The following SUMF1 variants were observed in gnomAD, a reference collection of about 807,000 sequenced individuals.
SUMF1 encodes the protein sulfatase modifying factor 1.
A neutral mutation model predicts 47.6 loss-of-function variants in SUMF1; 48 were observed. The ratio of observed to expected loss-of-function variants is 1.01; its 90% CI spans 0.80 to 1.28. The LOEUF is 1.28. SUMF1 is among the 50% of genes most tolerant of loss of function. The pLI is 0.00. For synonymous variants in SUMF1, 230 were observed against 192.1 expected (o/e 1.20, Z -1.63); for missense variants, 571 against 485.4 (o/e 1.18, Z -1.66).
At chr3:4,363,022 A>C (rs566811966) in intron 8 of SUMF1, among the ~76,000 whole-genome samples, 2 of 152,346 alleles carry the variant, frequency 1.3e-5, no homozygotes, top group East Asian at 3.9e-4. Flanking sequence ...AAAGACTGGA[A>C]GATTCCGAAT....
chr3:4,085,360 A>AAT (rs2125048467), intron 8 of SUMF1, among the ~76,000 whole-genome samples: 1 of 152,130 alleles, frequency 6.6e-6, no homozygotes, highest in Admixed American at 6.5e-5. Context: ...CTGAGGGGAG[A>AAT]ATATAAATTT....
rs111680169 is a variant in SUMF1 at position 4,084,604 on chromosome 3, T to C, written c.1015-15859A>G. On this transcript the variant is annotated intron_variant and NMD_transcript_variant, in intron 8 of 12. Transcript: ENST00000448413. ...TAGACAGAACACAGGACAAAGAAAC[T>C]CAAGACTTAAGTTTCTTCCTGACTT... is the stretch of plus-strand genomic sequence containing the variant. Among the ~76,000 whole-genome samples, 1,164 of 152,144 alleles carry C rather than the reference T, an allele frequency of 7.7e-3. 13 individuals carry two copies. Among genetic ancestry groups the C allele is most frequent in the African/African-American group, 0.027 (1,100 of 41,474 alleles).
At chr3:4,144,219 G>A (rs1012859169) in intron 8 of SUMF1, among the ~76,000 whole-genome samples, 18 of 151,808 alleles carry the variant, frequency 1.2e-4, no homozygotes, top group African/African-American at 4.4e-4. Context: ...CTCCCACCTC[G>A]GTCTCCAAAA....
At chr3:4,068,530 T>C (rs965169614) in intron 9 of SUMF1, 4 of 232,708 alleles carry the variant, frequency 1.7e-5, no homozygotes, top group African/African-American at 4.5e-5. Context: ...ATTTATTTCA[T>C]ACTAAGTCTT....
chr3:4,247,478 T>C (rs1416038339), intron 8 of SUMF1, among the ~76,000 whole-genome samples: 1 of 152,230 alleles, frequency 6.6e-6, no homozygotes, highest in African/African-American at 2.4e-5. Context: ...ATGTTCACTA[T>C]TCTCTGCATG....
chr3:4,048,216 C>T (rs774362489), intron 9 of SUMF1, among the ~76,000 whole-genome samples: 1 of 152,134 alleles, frequency 6.6e-6, no homozygotes, highest in Non-Finnish European at 1.5e-5. Context: ...CTCTAACCCC[C>T]AGAAAGACCC....
intron 8 of SUMF1, among the ~76,000 whole-genome samples, chr3:4,289,558 T>C (rs1159766629): frequency 2.0e-5 from 3 of 152,192 alleles, no homozygotes; most frequent in Non-Finnish European, 2.9e-5. Flanking sequence ...CAAGCAAGTA[T>C]ATATCTTAAT....
At chr3:4,199,823 A>C (rs992119688) in intron 8 of SUMF1, among the ~76,000 whole-genome samples, 1 of 152,034 alleles carries the variant, frequency 6.6e-6, no homozygotes, top group East Asian at 1.9e-4. Flanking sequence ...TGGATTATGA[A>C]TCTTCAGGTT....
At chr3:4,397,826 GTA>G (rs1701085478) in intron 7 of SUMF1, among the ~76,000 whole-genome samples, 1 of 152,026 alleles carries the variant, frequency 6.6e-6, no homozygotes, top group Non-Finnish European at 1.5e-5. Flanking sequence ...TCAGAGTAAG[GTA>G]TAATTTCATA....
chr3:4,425,859 C>G (rs711659), intron 3 of SUMF1, among the ~76,000 whole-genome samples: 138,016 of 152,216 alleles, frequency 0.91, 63,973 homozygotes, highest in Non-Finnish European at 1. Flanking sequence ...GGTAAAGGGG[C>G]AGCAAAGGCA....
At chr3:4,063,393 T>C (rs904525843) in intron 9 of SUMF1, among the ~76,000 whole-genome samples, 1 of 152,118 alleles carries the variant, frequency 6.6e-6, no homozygotes, top group African/African-American at 2.4e-5. Context: ...GTCCTGTAGT[T>C]CACTTTTTGA....
chr3:4,449,225 A>C, intron 3 of SUMF1, 41 bp downstream of exon 3: 1 of 1,609,494 alleles, frequency 6.2e-7, no homozygotes, highest in Non-Finnish European at 8.5e-7. Context: ...CTTTTCAATG[A>C]GCCTTAGAGA....
At chr3:4,270,155 G>T (rs1452064128) in intron 8 of SUMF1, among the ~76,000 whole-genome samples, 1 of 152,050 alleles carries the variant, frequency 6.6e-6, no homozygotes, top group Admixed American at 6.6e-5. Flanking sequence ...CGGACTATCA[G>T]GGAAACTAAA....
chr3:4,460,355 A>T (rs1031272441), intron 1 of SUMF1, among the ~76,000 whole-genome samples: 1 of 152,150 alleles, frequency 6.6e-6, no homozygotes, highest in East Asian at 1.9e-4. Flanking sequence ...GTTTTAAAAA[A>T]TAAAGTGTCA....
At chr3:4,455,576 G>A (rs991676751) in intron 1 of SUMF1, among the ~76,000 whole-genome samples, 4 of 152,170 alleles carry the variant, frequency 2.6e-5, no homozygotes, top group Non-Finnish European at 4.4e-5. Context: ...AATTAGCCGG[G>A]TGTTGTGGCA....
intron 8 of SUMF1, among the ~76,000 whole-genome samples, chr3:4,194,972 T>C (rs574688149): frequency 1.7e-4 from 26 of 152,276 alleles, no homozygotes; most frequent in African/African-American, 6.0e-4. Flanking sequence ...CCAAAACTGA[T>C]GATTTAGGTT....
chr3:4,258,321 AG>A (rs1441327571), intron 8 of SUMF1, among the ~76,000 whole-genome samples: 1 of 147,378 alleles, frequency 6.8e-6, no homozygotes, highest in Non-Finnish European at 1.5e-5. Context: ...CAGAGTGAAC[AG>A]GCAACCTACA....
chr3:4,450,535 A>G (rs144912133), intron 2 of SUMF1, among the ~76,000 whole-genome samples: 162 of 152,302 alleles, frequency 1.1e-3, no homozygotes, highest in African/African-American at 3.5e-3. Flanking sequence ...ACAAACATGT[A>G]TCAAACACCT....
At chr3:4,460,105 A>T (rs1391771986) in intron 1 of SUMF1, among the ~76,000 whole-genome samples, 1 of 152,226 alleles carries the variant, frequency 6.6e-6, no homozygotes, top group Non-Finnish European at 1.5e-5. Context: ...AGCTACAAGA[A>T]CAAAGCAAGG....
Sources: gnomAD v4.1 joint callset for allele counts (sites outside exome capture counted in the v4.1 genomes callset) on GRCh38, gnomAD v4.1.1 for gene constraint, MANE v1.5 for transcripts, NCBI Gene and HGNC (gene_info 2026-07-23, HGNC 2026-07-21) for gene names.